FABP3: variants seen among roughly 807,000 people sequenced by gnomAD.
FABP3 encodes the protein fatty acid-binding protein, heart.
In FABP3, 8 loss-of-function variants were observed where a neutral mutation model predicts 13.4. That is an observed-to-expected ratio of 0.60 (90% CI 0.35 to 1.07). FABP3 has a LOEUF of 1.07. FABP3 is among the 50% of genes least tolerant of loss of function. FABP3 has a pLI of 0.02. For synonymous variants in FABP3, 64 were observed against 60.0 expected (o/e 1.07, Z -0.31); for missense variants, 135 against 164.7 (o/e 0.82, Z 0.99).
downstream of FABP3, among the ~76,000 whole-genome samples, chr1:31,361,942 G>T (rs1639917684): frequency 6.6e-6 from 1 of 152,074 alleles, no homozygotes; most frequent in Non-Finnish European, 1.5e-5. Context: ...TTCCTGAGTA[G>T]CTGGGACTAC....
In FABP3 at chr1:31,365,727, A is replaced by T; in HGVS notation, c.*159T>A. 1 of 637,744 alleles carries T rather than the reference A, an allele frequency of 1.6e-6. No individual in the cohort carries two copies. The highest frequency in any genetic ancestry group is 2.9e-5 in the East Asian group (1 of 34,436). 39.5% of individuals were successfully genotyped at this position (637,744 alleles called of 1,614,324 possible). ...GTTAAAAAAAAAAAAAAAAAACCAC[A>T]TACACCATGGGAACTGGAACTGGAT... is the stretch of plus-strand genomic sequence containing the variant. On this transcript the variant is annotated 3_prime_UTR_variant, in exon 4 of 4. Coordinates refer to ENST00000373713, the MANE Select transcript of FABP3 (RefSeq NM_004102.5).
downstream of FABP3, among the ~76,000 whole-genome samples, chr1:31,361,189 C>T (rs1272042024): frequency 6.6e-6 from 1 of 152,156 alleles, no homozygotes; most frequent in Non-Finnish European, 1.5e-5. Context: ...TGTTATAGCT[C>T]GGTAATGTGG....
At chr1:31,367,643 G>T in intron 2 of FABP3, 149 bp from the exon 3 acceptor site, 1 of 677,880 alleles carries the variant, frequency 1.5e-6, no homozygotes. Context: ...CCGCCTCCCA[G>T]CTATCCCTGC....
chr1:31,364,825 G>A (rs1212491642), downstream of FABP3: 4 of 152,468 alleles, frequency 2.6e-5, no homozygotes, highest in East Asian at 3.9e-4. Context: ...ACCAGACAGC[G>A]AAGCCAAGAT....
chr1:31,369,210 G>GT lies in FABP3; in HGVS notation c.246+174dup, dbSNP rs1640162374. 4.8e-5 allele frequency: 33 copies of GT among 692,308 alleles called. No individual in the cohort carries two copies. The South Asian group carries it at 6.3e-4, about 13-fold the overall frequency. 42.9% of individuals were successfully genotyped at this position (692,308 alleles called of 1,614,324 possible). Reference sequence around the variant, plus strand: ...GAAAACAAGAGGACAGAACTGACATGTATTTAGCATCAGTGGCATTCCAGC... The same window carrying GT: ...GAAAACAAGAGGACAGAACTGACATGTTATTTAGCATCAGTGGCATTCCAGC... On this transcript the variant is annotated intron_variant, in intron 2 of 3. Transcript: ENST00000373713.
intron 3 of FABP3, among the ~76,000 whole-genome samples, chr1:31,367,046 C>T (rs574090238): frequency 7.9e-5 from 12 of 152,176 alleles, no homozygotes; most frequent in Non-Finnish European, 1.5e-4. Flanking sequence ...GGAGCACCTG[C>T]TGTGTTCCTC....
intron 3 of FABP3, among the ~76,000 whole-genome samples, chr1:31,366,866 G>A (rs1050541117): frequency 7.9e-5 from 12 of 152,172 alleles, no homozygotes; most frequent in African/African-American, 2.7e-4. Flanking sequence ...CACCAGTCAC[G>A]AGCCTGTCCC....
intron 1 of FABP3, among the ~76,000 whole-genome samples, chr1:31,371,255 A>G (rs1168602540): frequency 6.6e-6 from 1 of 152,202 alleles, no homozygotes; most frequent in Non-Finnish European, 1.5e-5. Context: ...GCCCCTTGGT[A>G]TCAGGATGAG....
At chr1:31,371,837 C>T (rs1391038402) in intron 1 of FABP3, among the ~76,000 whole-genome samples, 1 of 152,194 alleles carries the variant, frequency 6.6e-6, no homozygotes, top group Non-Finnish European at 1.5e-5. Flanking sequence ...TTTGACCTCT[C>T]CATCTAAGCC....
chr1:31,364,483 C>A, downstream of FABP3: 1 of 407,858 alleles, frequency 2.5e-6, no homozygotes, highest in Non-Finnish European at 4.4e-6. Flanking sequence ...TCCTATTACC[C>A]TCTCCAGCTG....
At chr1:31,362,078 G>C (rs1639927510), downstream of FABP3, among the ~76,000 whole-genome samples, 1 of 152,180 alleles carries the variant, frequency 6.6e-6, no homozygotes, top group Non-Finnish European at 1.5e-5. Flanking sequence ...CCAGAGTGCT[G>C]GGATTACAGG....
chr1:31,368,842 T>G (rs1029229101), intron 2 of FABP3, among the ~76,000 whole-genome samples: 8 of 152,214 alleles, frequency 5.3e-5, no homozygotes, highest in African/African-American at 1.7e-4. Flanking sequence ...ACACTGGAAA[T>G]AGTTTGTCAG....
At chr1:31,361,019 T>C (rs978491511), downstream of FABP3, among the ~76,000 whole-genome samples, 1 of 152,218 alleles carries the variant, frequency 6.6e-6, no homozygotes, top group Non-Finnish European at 1.5e-5. Flanking sequence ...TTTTCATTTT[T>C]ACTTTCCCAG....
downstream of FABP3, among the ~76,000 whole-genome samples, chr1:31,360,608 A>G (rs922414226): frequency 6.6e-6 from 1 of 152,222 alleles, no homozygotes; most frequent in Non-Finnish European, 1.5e-5. Context: ...GTTGAGGTCT[A>G]GGAGAAGGCC....
chr1:31,361,242 G>A (rs1449717014), downstream of FABP3, among the ~76,000 whole-genome samples: 1 of 152,226 alleles, frequency 6.6e-6, no homozygotes, highest in East Asian at 1.9e-4. Context: ...CATTGGAGAT[G>A]CCAAGGAAGA....
intron 1 of FABP3, among the ~76,000 whole-genome samples, chr1:31,371,681 G>A (rs987796247): frequency 2.2e-4 from 33 of 152,204 alleles, no homozygotes; most frequent in Admixed American, 1.6e-3. Flanking sequence ...CCCAGCTTTG[G>A]AAGGAGGAAC....
intron 3 of FABP3, among the ~76,000 whole-genome samples, chr1:31,367,096 C>A (rs1232578888): frequency 9.2e-5 from 14 of 152,200 alleles, no homozygotes. Context: ...CTGTCTCTTA[C>A]AGGCTTCCCA....
intron 3 of FABP3, 111 bp downstream of exon 3, chr1:31,367,280 CTT>C (rs1270746562): frequency 2.3e-6 from 2 of 877,442 alleles, no homozygotes; most frequent in African/African-American, 3.3e-5. Context: ...CAACCACTCT[CTT>C]GTCCCAGCTT....
In FABP3 at chr1:31,367,475, C is replaced by T. The variant is rs192066967; in HGVS notation, c.266G>A (p.Gly89Glu). 1.2e-6 allele frequency: 2 copies of T among 1,614,114 alleles called. No individual in the cohort carries two copies. Among genetic ancestry groups the T allele is most frequent in the African/African-American group, 2.7e-5 (2 of 75,050 alleles). The part of the protein sequence containing the change: ...RKVKSIVTLD[G>E]GKLVHLQKWD... ...TTTCTGCAGGTGAACAAGTTTCCCT[C>T]CATCCAGTGTCACAATGGACTGTGG... The change falls in exon 3 of 4, where the codon GGA becomes GAA. Residue 89 changes from glycine (G) to glutamate (E), a missense_variant. Coordinates refer to ENST00000373713, the MANE Select transcript of FABP3 (RefSeq NM_004102.5).
Sources: allele counts gnomAD v4.1 joint callset (sites outside exome capture counted in the v4.1 genomes callset), GRCh38; gene constraint gnomAD v4.1.1; transcripts MANE v1.5; gene names NCBI Gene and HGNC (gene_info 2026-07-23, HGNC 2026-07-21).